Variants in FBXL7 observed in about 807,000 individuals in gnomAD.
The protein encoded by FBXL7 is F-box/LRR-repeat protein 7.
Under a neutral mutation model 38.3 loss-of-function variants are expected in FBXL7, and 12 were observed. The observed-to-expected ratio is 0.31, with a 90% confidence interval of 0.20 to 0.51. The LOEUF (loss-of-function observed/expected upper bound fraction) is 0.51, where lower values mean the gene tolerates loss of function less well. Among genes scored for constraint, FBXL7 ranks in the 20% least tolerant of loss-of-function variants. The pLI is 0.98. For missense variants in FBXL7, 567 were observed against 676.4 expected, an observed-to-expected ratio of 0.84 and a Z score of 1.79; for synonymous variants, 297 against 300.9, an observed-to-expected ratio of 0.99 and a Z score of 0.13.
At chr5:15,716,198 G>C (rs1170466162) in intron 2 of FBXL7, among the ~76,000 whole-genome samples, 1 of 152,134 alleles carries the variant, frequency 6.6e-6, no homozygotes. Context: ...TACTCCCTGG[G>C]GCATCTCTCT....
chr5:15,879,530 C>T lies in FBXL7; in HGVS notation c.128-48360C>T, dbSNP rs562102505. On this transcript the variant is annotated intron_variant, in intron 2 of 3. Coordinates refer to ENST00000504595, the MANE Select transcript of FBXL7 (RefSeq NM_012304.5). ...TATGAGAGAAATCAGCTTTAGGGAA[C>T]AAAATCTTTGCTTAGTATCACAGAA... Among the ~76,000 whole-genome samples, 53 of 152,254 alleles carry T rather than the reference C, an allele frequency of 3.5e-4. 1 individual carries two copies. In the South Asian group the frequency reaches 1.0e-2, roughly 29 times the overall value.
At chr5:15,895,093 C>G (rs958879171) in intron 2 of FBXL7, among the ~76,000 whole-genome samples, 2 of 152,150 alleles carry the variant, frequency 1.3e-5, no homozygotes, top group Non-Finnish European at 2.9e-5. Flanking sequence ...TACCTTTGTC[C>G]TATCTATTCT....
intron 1 of FBXL7, among the ~76,000 whole-genome samples, chr5:15,573,270 T>C (rs1209865897): frequency 1.3e-5 from 2 of 152,174 alleles, no homozygotes; most frequent in Non-Finnish European, 1.5e-5. Flanking sequence ...CTTCCATGTC[T>C]TTGAGTCTCA....
intron 2 of FBXL7, among the ~76,000 whole-genome samples, chr5:15,672,190 C>T (rs976671043): frequency 6.6e-6 from 1 of 152,130 alleles, no homozygotes; most frequent in African/African-American, 2.4e-5. Flanking sequence ...TTGTAGGTAT[C>T]GTTTGACCAT....
chr5:15,835,260 T>A (rs1248725690), intron 2 of FBXL7, among the ~76,000 whole-genome samples: 2 of 152,230 alleles, frequency 1.3e-5, no homozygotes, highest in African/African-American at 4.8e-5. Flanking sequence ...TGGCCGGTAC[T>A]TTAACTCCAT....
intron 2 of FBXL7, among the ~76,000 whole-genome samples, chr5:15,704,055 G>C (rs990500577): frequency 1.3e-5 from 2 of 152,244 alleles, no homozygotes; most frequent in South Asian, 2.1e-4. Flanking sequence ...CAGTGGCCTG[G>C]GTTTCTGCTC....
intron 2 of FBXL7, among the ~76,000 whole-genome samples, chr5:15,689,228 A>G (rs1432180881): frequency 2.1e-5 from 3 of 144,518 alleles, no homozygotes; most frequent in Admixed American, 6.9e-5. Context: ...TGTTCTAAAT[A>G]TTATTCACCT....
At chr5:15,799,564 A>G (rs1445742468) in intron 2 of FBXL7, among the ~76,000 whole-genome samples, 1 of 151,772 alleles carries the variant, frequency 6.6e-6, no homozygotes, top group Non-Finnish European at 1.5e-5. Context: ...GTTTGTCCAC[A>G]TTGGTCAGGC....
At chr5:15,677,437 A>G (rs1742697726) in intron 2 of FBXL7, among the ~76,000 whole-genome samples, 1 of 151,284 alleles carries the variant, frequency 6.6e-6, no homozygotes, top group Admixed American at 6.6e-5. Flanking sequence ...ATTGCACTCC[A>G]GCCTGGGCAT....
chr5:15,763,140 G>A (rs781265293), intron 2 of FBXL7, among the ~76,000 whole-genome samples: 67 of 152,270 alleles, frequency 4.4e-4, no homozygotes, highest in Non-Finnish European at 8.7e-4. Flanking sequence ...GAGGCAATAT[G>A]TATAGTGCTT....
chr5:15,869,022 T>C (rs1183897544), intron 2 of FBXL7, among the ~76,000 whole-genome samples: 1 of 152,294 alleles, frequency 6.6e-6, no homozygotes, highest in East Asian at 1.9e-4. Flanking sequence ...TAGGGGGCTT[T>C]GGTTGTCTCA....
rs575856515 is a variant in FBXL7, at chr5:15,850,708, A to G, written c.128-77182A>G. Among the ~76,000 whole-genome samples, 56 of 152,246 alleles carry G rather than the reference A, an allele frequency of 3.7e-4. 1 individual carries two copies. The South Asian group carries it at 0.011, about 29-fold the overall frequency. ...CCCAATGTTGTCCGGACATGTTCCC[A>G]TTACCCATGAGGCTCAGATATCCTA... On this transcript the variant is annotated intron_variant, in intron 2 of 3. Transcript: ENST00000504595.
intron 1 of FBXL7, among the ~76,000 whole-genome samples, chr5:15,507,149 C>T (rs901224745): frequency 6.6e-6 from 1 of 152,000 alleles, no homozygotes. Context: ...TGGATATGTG[C>T]ATATTGGCCT....
intron 1 of FBXL7, among the ~76,000 whole-genome samples, chr5:15,573,408 A>G (rs1343693940): frequency 1.3e-5 from 2 of 152,208 alleles, no homozygotes; most frequent in Non-Finnish European, 2.9e-5. Context: ...AACCAGCTCA[A>G]AAAAATAGAT....
At chr5:15,843,677 T>C (rs1326076604) in intron 2 of FBXL7, among the ~76,000 whole-genome samples, 1 of 152,104 alleles carries the variant, frequency 6.6e-6, no homozygotes, top group Non-Finnish European at 1.5e-5. Context: ...TTGAGACATA[T>C]TGCAAATTAC....
intron 1 of FBXL7, among the ~76,000 whole-genome samples, chr5:15,614,026 C>T (rs1278307299): frequency 1.3e-5 from 2 of 152,130 alleles, no homozygotes; most frequent in Non-Finnish European, 2.9e-5. Flanking sequence ...ATGACCTAAC[C>T]ACCTCCCAAG....
At chr5:15,759,292 C>A (rs1443567573) in intron 2 of FBXL7, among the ~76,000 whole-genome samples, 1 of 152,096 alleles carries the variant, frequency 6.6e-6, no homozygotes, top group African/African-American at 2.4e-5. Flanking sequence ...ATGGAATCCA[C>A]AATTAACATG....
At chr5:15,788,447 C>T (rs185760902) in intron 2 of FBXL7, among the ~76,000 whole-genome samples, 113 of 152,078 alleles carry the variant, frequency 7.4e-4, no homozygotes, top group African/African-American at 2.3e-3. Context: ...GAGAAAACAA[C>T]GGAAGAAAAG....
intron 2 of FBXL7, among the ~76,000 whole-genome samples, chr5:15,857,436 A>G (rs1739304658): frequency 6.6e-6 from 1 of 152,164 alleles, no homozygotes; most frequent in African/African-American, 2.4e-5. Context: ...CCATCAGCAC[A>G]TCTCCTGAGA....
Sources: allele counts gnomAD v4.1 joint callset (sites outside exome capture counted in the v4.1 genomes callset), GRCh38; gene constraint gnomAD v4.1.1; transcripts MANE v1.5; gene names NCBI Gene and HGNC (gene_info 2026-07-23, HGNC 2026-07-21).